The following GPR21 variants were observed in gnomAD, a reference collection of about 807,000 sequenced individuals.
GPR21 encodes the protein G protein-coupled receptor 21, also known as probable G protein-coupled receptor 21.
A neutral mutation model predicts 21.5 loss-of-function variants in GPR21; 9 were observed. The ratio of observed to expected loss-of-function variants is 0.42; its 90% CI spans 0.25 to 0.73. The LOEUF is 0.73. Among genes scored for constraint, GPR21 ranks in the 30% least tolerant of loss-of-function variants. The pLI is 0.27. For missense variants in GPR21, 416 were observed against 428.9 expected (o/e 0.97, Z 0.27); for synonymous variants, 169 against 159.3 (o/e 1.06, Z -0.46).
chr9:123,034,473 T>A lies in GPR21; in HGVS notation c.-94T>A. The A allele has an allele frequency of 1.3e-6, 1 of 771,328 alleles. No individual in the cohort carries two copies. Among genetic ancestry groups the A allele is most frequent in the South Asian group, 1.7e-5 (1 of 60,414 alleles). 47.8% of individuals were successfully genotyped at this position (771,328 alleles called of 1,614,324 possible). On this transcript the variant is annotated 5_prime_UTR_variant, in exon 2 of 2. It removes an upstream start codon present in the reference 5' UTR. Coordinates refer to ENST00000616002, the MANE Select transcript of GPR21 (RefSeq NM_005294.3). The stretch of plus-strand genomic sequence containing the variant: ...GGCTCCTCTGGCATTATTACACACA[T>A]GCAAAGCTGACCGCAATGACAGCAG...
the GPR21 span, among the ~76,000 whole-genome samples, chr9:123,041,036 T>G: frequency 6.6e-6 from 1 of 152,190 alleles, no homozygotes; most frequent in Non-Finnish European, 1.5e-5. Flanking sequence ...GAATTTGACT[T>G]GACTCAGCCA....
At chr9:123,036,945 T>C (rs1369744829), downstream of GPR21, among the ~76,000 whole-genome samples, 12 of 152,170 alleles carry the variant, frequency 7.9e-5, no homozygotes, top group Admixed American at 2.6e-4. Context: ...TGATTATCTT[T>C]AGAGCAAGAG....
chr9:123,043,900 C>CTTT, the GPR21 span, among the ~76,000 whole-genome samples: 17 of 129,426 alleles, frequency 1.3e-4, no homozygotes, highest in Admixed American at 5.4e-4. Flanking sequence ...GTATTATTTT[C>CTTT]TTTTTTTTTT....
chr9:123,037,943 C>T (rs1392085282), downstream of GPR21, among the ~76,000 whole-genome samples: 4 of 152,072 alleles, frequency 2.6e-5, no homozygotes, highest in Admixed American at 6.6e-5. Context: ...ATGGCGTTGG[C>T]GGGATAGCTC....
the GPR21 span, among the ~76,000 whole-genome samples, chr9:123,040,714 GAGCCGCTCATCTT>G: frequency 6.6e-6 from 1 of 151,914 alleles, no homozygotes; most frequent in East Asian, 1.9e-4. Context: ...TAGTTTGAGG[GAGCCGCTCATCTT>G]AGTTTTCATG....
downstream of GPR21, among the ~76,000 whole-genome samples, chr9:123,037,978 T>C (rs2032754488): frequency 6.6e-6 from 1 of 152,218 alleles, no homozygotes; most frequent in African/African-American, 2.4e-5. Context: ...GGCATGTGAC[T>C]GGTATCAGAG....
chr9:123,044,197 C>G, the GPR21 span, among the ~76,000 whole-genome samples: 1 of 152,108 alleles, frequency 6.6e-6, no homozygotes, highest in African/African-American at 2.4e-5. Flanking sequence ...GCCACCGCGC[C>G]CAGCCAGGTG....
At chr9:123,043,628 T>G in the GPR21 span, among the ~76,000 whole-genome samples, 1 of 145,036 alleles carries the variant, frequency 6.9e-6, no homozygotes, top group African/African-American at 2.6e-5. Context: ...GGAAGGGAAG[T>G]GTTTGGGGGG....
rs1273449535 is a variant in GPR21, at chr9:123,034,475, C to T, written c.-92C>T. On this transcript the variant is annotated 5_prime_UTR_variant, in exon 2 of 2. An upstream open reading frame in the 5' UTR gains an earlier in-frame stop. Coordinates refer to ENST00000616002, the MANE Select transcript of GPR21 (RefSeq NM_005294.3). ...CTCCTCTGGCATTATTACACACATGCAAAGCTGACCGCAATGACAGCAGCT... is the reference window on the plus strand; with the variant it reads ...CTCCTCTGGCATTATTACACACATGTAAAGCTGACCGCAATGACAGCAGCT... 1 of 783,466 alleles carries T rather than the reference C, an allele frequency of 1.3e-6. No individual in the cohort carries two copies. Among genetic ancestry groups the T allele is most frequent in the East Asian group, 2.4e-5 (1 of 41,226 alleles). 48.5% of individuals were successfully genotyped at this position (783,466 alleles called of 1,614,324 possible).
chr9:123,045,514 T>C, the GPR21 span, among the ~76,000 whole-genome samples: 1 of 152,220 alleles, frequency 6.6e-6, no homozygotes, highest in Non-Finnish European at 1.5e-5. Context: ...ATGTGTATTG[T>C]AGCCTATAGA....
At position 123,035,575 on chromosome 9, in the gene GPR21, A is replaced by G. The variant is rs768459837; in HGVS notation, c.1009A>G (p.Thr337Ala). ...ASQTTANDPY[T>A]VRSKGPLNGC... The stretch of plus-strand genomic sequence containing the variant: ...TCAGACTACAGCCAACGACCCTTAC[A>G]CAGTTAGAAGCAAAGGCCCTCTTAA... The change falls in exon 2 of 2, where the codon ACA becomes GCA. Residue 337 changes from threonine (T) to alanine (A), a missense_variant. By Grantham distance (58) the Thr-to-Ala change is moderately conservative. Transcript: ENST00000616002. The G allele has an allele frequency of 2.5e-6, 4 of 1,608,270 alleles. No individual in the cohort carries two copies. In the East Asian group the frequency reaches 6.7e-5, roughly 27 times the overall value.
At chr9:123,047,491 G>A in the GPR21 span, among the ~76,000 whole-genome samples, 1 of 152,214 alleles carries the variant, frequency 6.6e-6, no homozygotes, top group African/African-American at 2.4e-5. Flanking sequence ...CTTTGCTTGG[G>A]ATTATTTCCT....
downstream of GPR21, among the ~76,000 whole-genome samples, chr9:123,039,189 C>T (rs181578102): frequency 1.2e-4 from 18 of 152,272 alleles, no homozygotes; most frequent in African/African-American, 4.1e-4. Flanking sequence ...TACACCACTA[C>T]TCTGTGCTAC....
chr9:123,039,252 A>G (rs1359376410), downstream of GPR21, among the ~76,000 whole-genome samples: 1 of 152,092 alleles, frequency 6.6e-6, no homozygotes, highest in Admixed American at 6.5e-5. Flanking sequence ...ATCCTCCTAA[A>G]ATGACAGTAG....
At chr9:123,044,653 GTA>G in the GPR21 span, among the ~76,000 whole-genome samples, 6 of 143,554 alleles carry the variant, frequency 4.2e-5, no homozygotes, top group Non-Finnish European at 9.4e-5. Flanking sequence ...GTGTGTGTGT[GTA>G]TGTGTATGTA....
chr9:123,035,022 G>A lies in GPR21; in HGVS notation c.456G>A (p.Leu152=), dbSNP rs779048822. 6.2e-7 allele frequency: 1 copy of A among 1,613,880 alleles called. No individual in the cohort carries two copies. The highest frequency in any genetic ancestry group is 1.1e-5 in the South Asian group (1 of 91,076). ...GGAGACTACGCCTGTGTATTTTCCT[G>A]ATTTGGCTATACTCGACCCTGGTCT... ...TPWRLRLCIF[L]IWLYSTLVFL... Residue 152 remains leucine, a synonymous_variant, in exon 2 of 2, where the codon CTG becomes CTA. Coordinates refer to ENST00000616002, the MANE Select transcript of GPR21 (RefSeq NM_005294.3).
At chr9:123,044,182 C>T in the GPR21 span, among the ~76,000 whole-genome samples, 14 of 152,180 alleles carry the variant, frequency 9.2e-5, no homozygotes, top group African/African-American at 2.9e-4. Context: ...GGATTACAGG[C>T]GTGAGCCACC....
the GPR21 span, among the ~76,000 whole-genome samples, chr9:123,043,506 G>A: frequency 1.3e-5 from 2 of 152,144 alleles, no homozygotes; most frequent in East Asian, 3.9e-4. Context: ...GAAAAAAATA[G>A]AAAATTGAAG....
Position 123,034,535 on chromosome 9 carries a change from GC to G in GPR21, c.-31del. On this transcript the variant is annotated 5_prime_UTR_variant, in exon 2 of 2. It introduces an in-frame stop codon into an upstream open reading frame of the 5' UTR. Coordinates refer to ENST00000616002, the MANE Select transcript of GPR21 (RefSeq NM_005294.3). ...AACTGTTGGCAGCAGCCAAGCGGCA[GC>G]ATGAAGTGACAGATCACTCCTGAGC... is the stretch of plus-strand genomic sequence containing the variant. The G allele has an allele frequency of 7.1e-7, 1 of 1,403,290 alleles. No individual in the cohort carries two copies. The highest frequency in any genetic ancestry group is 9.8e-7 in the Non-Finnish European group (1 of 1,016,548). The allele number at this position is 1,403,290 out of a possible 1,614,324, so 86.9% of individuals were successfully genotyped here.
Sources: allele counts gnomAD v4.1 joint callset (sites outside exome capture counted in the v4.1 genomes callset), GRCh38; gene constraint gnomAD v4.1.1; transcripts MANE v1.5; gene names NCBI Gene and HGNC (gene_info 2026-07-23, HGNC 2026-07-21).